Variants in CLEC2D observed in about 807,000 individuals in gnomAD.
CLEC2D encodes C-type lectin related f.
In CLEC2D, 16 loss-of-function variants were observed where a neutral mutation model predicts 20.0. The ratio of observed to expected loss-of-function variants is 0.80; its 90% CI spans 0.54 to 1.22. CLEC2D has a LOEUF of 1.22. Among genes scored for constraint, CLEC2D ranks in the 50% most tolerant of loss-of-function variants. CLEC2D has a pLI of 0.00. For synonymous variants in CLEC2D, 77 were observed against 71.1 expected, an observed-to-expected ratio of 1.08 and a Z score of -0.42; for missense variants, 207 against 221.5, an observed-to-expected ratio of 0.93 and a Z score of 0.42.
chr12:9,692,028 C>G (rs2120975154), intron 3 of CLEC2D, among the ~76,000 whole-genome samples: 1 of 152,290 alleles, frequency 6.6e-6, no homozygotes, highest in South Asian at 2.1e-4. Flanking sequence ...GCAAAGGAAA[C>G]CAGCCTATGC....
intron 3 of CLEC2D, 104 bp downstream of exon 3, chr12:9,688,190 ATTTTTTT>A (rs71045286): frequency 0.018 from 13,932 of 785,914 alleles, 20 homozygotes; most frequent in Non-Finnish European, 0.019. Flanking sequence ...TTTTACATTG[ATTTTTTT>A]TTTTTTTTTT....
In CLEC2D at chr12:9,695,307, T is replaced by G. The variant is rs1246799774; in HGVS notation, c.*433T>G. 1 of 780,210 alleles carries G rather than the reference T, an allele frequency of 1.3e-6. No homozygotes were observed. The highest frequency in any genetic ancestry group is 2.5e-5 in the East Asian group (1 of 40,356). The allele number at this position is 780,210 out of a possible 1,614,324, so 48.3% of individuals were successfully genotyped here. A position where few individuals can be genotyped will look rare whatever the true frequency, so the allele number is the denominator to read the frequency against. ...GGGGCTCCCTGGTGTGATTCCGTCC[T>G]GCGCGGCTGTTCTCTGGAGCAGCAT... On this transcript the variant is annotated 3_prime_UTR_variant, in exon 5 of 5. Transcript: ENST00000290855.
chr12:9,693,590 T>C lies in CLEC2D; in HGVS notation c.461+659T>C, dbSNP rs912100462. ...ATAAAAAGAGCCCCAGACTGGACAT[T>C]GGCAGGTTTGAAATGAGTTTTTTCT... is the stretch of plus-strand genomic sequence containing the variant. On this transcript the variant is annotated intron_variant, in intron 4 of 4. Coordinates refer to ENST00000290855, the MANE Select transcript of CLEC2D (RefSeq NM_013269.6). 3 of 201,226 alleles carry C rather than the reference T, an allele frequency of 1.5e-5. No individual in the cohort carries two copies. The South Asian group carries it at 2.0e-4, about 13-fold the overall frequency. 12.5% of individuals were successfully genotyped at this position (201,226 alleles called of 1,614,324 possible).
chr12:9,675,264 G>C (rs987968626), intron 1 of CLEC2D, among the ~76,000 whole-genome samples: 3 of 149,626 alleles, frequency 2.0e-5, no homozygotes, highest in African/African-American at 7.4e-5. Context: ...CGCAATCTCG[G>C]CTCACTGCAA....
intron 1 of CLEC2D, among the ~76,000 whole-genome samples, chr12:9,670,138 A>T (rs1400171298): frequency 6.6e-6 from 1 of 152,218 alleles, no homozygotes; most frequent in Non-Finnish European, 1.5e-5. Flanking sequence ...ACATAGGTAG[A>T]AAACCTATCA....
chr12:9,678,862 C>T (rs751849903), intron 1 of CLEC2D, among the ~76,000 whole-genome samples: 1 of 152,152 alleles, frequency 6.6e-6, no homozygotes, highest in Admixed American at 6.5e-5. Context: ...TTTTTTCCTG[C>T]ATTTTTAGTT....
At chr12:9,679,611 C>A (rs769006146) in intron 1 of CLEC2D, among the ~76,000 whole-genome samples, 28 of 152,032 alleles carry the variant, frequency 1.8e-4, no homozygotes, top group Admixed American at 3.3e-4. Context: ...TTTCTTAAAT[C>A]TTTGATAAAG....
intron 4 of CLEC2D, 127 bp from the exon 5 acceptor site, chr12:9,694,633 A>G (rs1267423340): frequency 6.2e-6 from 4 of 647,774 alleles, no homozygotes; most frequent in Non-Finnish European, 1.1e-5. Flanking sequence ...AGTCACCACT[A>G]CACAAGGAAA....
intron 1 of CLEC2D, among the ~76,000 whole-genome samples, chr12:9,675,175 A>C (rs1457218722): frequency 6.9e-6 from 1 of 145,432 alleles, no homozygotes; most frequent in Non-Finnish European, 1.5e-5. Context: ...TTTTTCATTA[A>C]TTTATTTGTC....
intron 2 of CLEC2D, among the ~76,000 whole-genome samples, chr12:9,682,158 G>A (rs10844429): frequency 0.88 from 133,794 of 152,192 alleles, 59,002 homozygotes; most frequent in East Asian, 0.97. Context: ...GCCAATAGCT[G>A]GAGCCATCTT....
At position 9,669,739 on chromosome 12, in the gene CLEC2D, A is replaced by G. The variant is rs779014085; in HGVS notation, c.5A>G (p.His2Arg). The G allele has an allele frequency of 1.2e-6, 2 of 1,613,490 alleles. No homozygotes were observed. The highest frequency in any genetic ancestry group is 2.2e-5 in the South Asian group (2 of 91,070). Reference protein sequence around the residue: MHDSNNVEKDIT... With the variant: MRDSNNVEKDIT... Reference sequence around the variant, plus strand: ...CTCATAGAAACTGGAGGCAAAATGCATGACAGTAACAATGTGGAGAAAGAC... The same window carrying G: ...CTCATAGAAACTGGAGGCAAAATGCGTGACAGTAACAATGTGGAGAAAGAC... Residue 2 changes from histidine to arginine, a missense_variant, in exon 1 of 5, where the codon CAT (histidine) becomes CGT (arginine). Physicochemically the swap from His to Arg is conservative, Grantham distance 29. Transcript: ENST00000290855.
chr12:9,685,160 C>T (rs1865722634), intron 2 of CLEC2D, among the ~76,000 whole-genome samples: 1 of 152,206 alleles, frequency 6.6e-6, no homozygotes, highest in African/African-American at 2.4e-5. Context: ...CTGGGTATCA[C>T]CAGCAAAGGC....
At chr12:9,684,988 G>A (rs969589737) in intron 2 of CLEC2D, among the ~76,000 whole-genome samples, 5 of 152,110 alleles carry the variant, frequency 3.3e-5, no homozygotes, top group East Asian at 1.9e-4. Flanking sequence ...GGTAGAATTC[G>A]GCAGTGCATT....
chr12:9,679,721 G>A (rs144678989), intron 1 of CLEC2D, among the ~76,000 whole-genome samples: 14 of 152,144 alleles, frequency 9.2e-5, no homozygotes, highest in African/African-American at 2.9e-4. Context: ...CAAATATCTT[G>A]GGAAACATCA....
intron 1 of CLEC2D, among the ~76,000 whole-genome samples, chr12:9,671,234 CT>C (rs1197349869): frequency 2.6e-5 from 4 of 152,150 alleles, no homozygotes; most frequent in African/African-American, 4.8e-5. Context: ...GATTTCTTTT[CT>C]TTTTTTGAGG....
At chr12:9,674,323 A>ACC (rs1312083481) in intron 1 of CLEC2D, 1 of 152,104 alleles carries the variant, frequency 6.6e-6, no homozygotes, top group African/African-American at 2.4e-5. Context: ...GGTAGGACAG[A>ACC]CCCTCGCCAC....
At chr12:9,689,737 T>G (rs1865824459) in intron 3 of CLEC2D, among the ~76,000 whole-genome samples, 1 of 151,764 alleles carries the variant, frequency 6.6e-6, no homozygotes, top group South Asian at 2.1e-4. Context: ...TTTTAAAAAC[T>G]CAATGAAGAA....
At chr12:9,692,632 A>G (rs1865892423) in intron 3 of CLEC2D, among the ~76,000 whole-genome samples, 196 bp from the exon 4 acceptor site, 1 of 152,184 alleles carries the variant, frequency 6.6e-6, no homozygotes, top group Non-Finnish European at 1.5e-5. Context: ...ATTATCAACA[A>G]TTTCTCTCAG....
At chr12:9,672,127 C>G (rs1428377061) in intron 1 of CLEC2D, among the ~76,000 whole-genome samples, 1 of 152,100 alleles carries the variant, frequency 6.6e-6, no homozygotes, top group African/African-American at 2.4e-5. Flanking sequence ...ACATCTTGCT[C>G]CATCATCCCA....
Sources: allele counts gnomAD v4.1 joint callset (sites outside exome capture counted in the v4.1 genomes callset), GRCh38; gene constraint gnomAD v4.1.1; transcripts MANE v1.5; gene names NCBI Gene and HGNC (gene_info 2026-07-23, HGNC 2026-07-21).